Variants in DUSP13B observed in about 807,000 individuals in gnomAD.
The protein encoded by DUSP13B is dual specificity protein phosphatase 13B.
the DUSP13B span, among the ~76,000 whole-genome samples, chr10:75,096,265 C>A: frequency 6.6e-6 from 1 of 151,732 alleles, no homozygotes; most frequent in African/African-American, 2.4e-5. Flanking sequence ...AAAAAAACAA[C>A]AACAACAACA....
the DUSP13B span, chr10:75,105,558 C>T: frequency 8.5e-7 from 1 of 1,182,610 alleles, no homozygotes; most frequent in Non-Finnish European, 1.2e-6. Flanking sequence ...ACACACAGCC[C>T]TGCCAACCAA....
chr10:75,094,740 G>C, the DUSP13B span: 1 of 1,614,206 alleles, frequency 6.2e-7, no homozygotes, highest in Non-Finnish European at 8.5e-7. Flanking sequence ...GAGGAAGCCT[G>C]AGTTAGGGCA....
the DUSP13B span, chr10:75,097,696 C>T: frequency 9.7e-6 from 15 of 1,548,898 alleles, no homozygotes; most frequent in East Asian, 2.3e-5. Context: ...CCACTCCTAA[C>T]GTGGGTCTTA....
the DUSP13B span, chr10:75,094,975 G>A: frequency 9.3e-7 from 1 of 1,075,790 alleles, no homozygotes; most frequent in South Asian, 1.5e-5. Context: ...ACAGTATCCT[G>A]GAATACTGAC....
chr10:75,106,096 CTTT>C, the DUSP13B span, among the ~76,000 whole-genome samples: 1 of 109,040 alleles, frequency 9.2e-6, no homozygotes, highest in Non-Finnish European at 1.8e-5. Context: ...TCTTTTCTTT[CTTT>C]TCTTTTTTTT....
the DUSP13B span, chr10:75,104,106 G>C: frequency 3.7e-6 from 5 of 1,337,308 alleles, no homozygotes; most frequent in South Asian, 2.4e-5. Flanking sequence ...CTCTGGAAGA[G>C]AGATGAGCTC....
chr10:75,097,783 C>T, the DUSP13B span: 2 of 1,613,930 alleles, frequency 1.2e-6, no homozygotes, highest in East Asian at 4.5e-5. Flanking sequence ...GGACCCACAG[C>T]AAGCGCTGCA....
the DUSP13B span, chr10:75,095,625 T>C: frequency 1.2e-6 from 2 of 1,614,150 alleles, no homozygotes; most frequent in East Asian, 2.2e-5. Context: ...AGGCAGAAAG[T>C]AGACACTGAG....
the DUSP13B span, chr10:75,108,152 G>A: frequency 1.5e-5 from 24 of 1,612,810 alleles, no homozygotes; most frequent in South Asian, 1.2e-4. Flanking sequence ...TGTGGGCGGC[G>A]TTCAGCACGT....
At chr10:75,101,943 C>T in the DUSP13B span, 51 of 1,367,798 alleles carry the variant, frequency 3.7e-5, no homozygotes, top group African/African-American at 2.5e-4. Flanking sequence ...CGCCTGTCTC[C>T]GCACACTTGA....
chr10:75,101,402 T>C, the DUSP13B span, among the ~76,000 whole-genome samples: 7 of 152,202 alleles, frequency 4.6e-5, no homozygotes, highest in African/African-American at 1.4e-4. Context: ...CCATATCCTA[T>C]GTGGAGGGTA....
At chr10:75,097,272 G>C in the DUSP13B span, among the ~76,000 whole-genome samples, 1 of 151,786 alleles carries the variant, frequency 6.6e-6, no homozygotes, top group Non-Finnish European at 1.5e-5. Flanking sequence ...GCAGTGGCAC[G>C]ATCTCGGCTC....
At chr10:75,106,604 A>C in the DUSP13B span, among the ~76,000 whole-genome samples, 2 of 151,628 alleles carry the variant, frequency 1.3e-5, no homozygotes, top group Non-Finnish European at 2.9e-5. Flanking sequence ...TGGGCTTAGC[A>C]CCCCCGCCGT....
chr10:75,107,592 G>C, the DUSP13B span, among the ~76,000 whole-genome samples: 1 of 151,956 alleles, frequency 6.6e-6, no homozygotes, highest in East Asian at 1.9e-4. Context: ...TTTTTGGCGG[G>C]GGGGGATGGA....
the DUSP13B span, among the ~76,000 whole-genome samples, chr10:75,106,422 G>A: frequency 2.0e-5 from 3 of 152,132 alleles, no homozygotes; most frequent in South Asian, 4.2e-4. Context: ...CCCTGGTCTC[G>A]GTCTGACTAA....
chr10:75,098,585 A>G, the DUSP13B span, among the ~76,000 whole-genome samples: 1 of 152,164 alleles, frequency 6.6e-6, no homozygotes, highest in African/African-American at 2.4e-5. Context: ...AATGAGGCAA[A>G]ATCCTGTCTC....
the DUSP13B span, chr10:75,103,931 G>T: frequency 2.3e-6 from 3 of 1,317,038 alleles, no homozygotes; most frequent in African/African-American, 4.5e-5. Context: ...AGGGGGTGTA[G>T]GCGCCAGGAG....
the DUSP13B span, among the ~76,000 whole-genome samples, chr10:75,102,949 T>C: frequency 6.6e-6 from 1 of 151,820 alleles, no homozygotes; most frequent in African/African-American, 2.4e-5. Context: ...CGAAACTCCG[T>C]CTCCAAAAAA....
At chr10:75,094,596 A>T in the DUSP13B span, 1 of 1,489,082 alleles carries the variant, frequency 6.7e-7, no homozygotes, top group African/African-American at 1.4e-5. Context: ...CAGGGTCACT[A>T]GAAACAGCAG....
Sources: allele counts gnomAD v4.1 joint callset (sites outside exome capture counted in the v4.1 genomes callset), GRCh38; gene constraint gnomAD v4.1.1; transcripts MANE v1.5; gene names NCBI Gene and HGNC (gene_info 2026-07-23, HGNC 2026-07-21).